The following RNF38 variants were observed in gnomAD, a reference collection of about 807,000 sequenced individuals.
RNF38 encodes the protein E3 ubiquitin-protein ligase RNF38.
In RNF38, 15 loss-of-function variants were observed where a neutral mutation model predicts 67.2. That is an observed-to-expected ratio of 0.22 (90% CI 0.15 to 0.34). The LOEUF is 0.34. Ranked by LOEUF, RNF38 falls within the 10% of genes least tolerant of loss-of-function variation. The pLI is 1.00. For missense variants in RNF38, 524 were observed against 639.9 expected (o/e 0.82, Z 1.95); for synonymous variants, 220 against 218.8 (o/e 1.01, Z -0.05).
chr9:36,387,943 T>A (rs1836768851), intron 2 of RNF38, among the ~76,000 whole-genome samples: 1 of 152,004 alleles, frequency 6.6e-6, no homozygotes, highest in Non-Finnish European at 1.5e-5. Context: ...GGAGACAAGC[T>A]GCAGTATAGT....
chr9:36,438,480 ATTC>A (rs1240074019), intron 1 of RNF38, among the ~76,000 whole-genome samples: 5 of 151,850 alleles, frequency 3.3e-5, no homozygotes, highest in East Asian at 1.9e-4. Flanking sequence ...CCCCAAGACA[ATTC>A]TTCTTCTTCC....
chr9:36,377,823 T>C (rs1835896145), intron 2 of RNF38, among the ~76,000 whole-genome samples: 1 of 152,250 alleles, frequency 6.6e-6, no homozygotes, highest in Admixed American at 6.5e-5. Context: ...ATAGCTGTTA[T>C]ACTGTATTTT....
At chr9:36,364,912 C>A (rs998317507) in intron 4 of RNF38, among the ~76,000 whole-genome samples, 3 of 152,154 alleles carry the variant, frequency 2.0e-5, no homozygotes, top group African/African-American at 7.2e-5. Context: ...TTGGTCTAGA[C>A]CTTAAGACCA....
chr9:36,352,712 CAGAAATCATTAAGAT>C lies in RNF38; in HGVS notation c.1178+15_1178+29del, dbSNP rs754874164. 1 of 1,466,570 alleles carries C rather than the reference CAGAAATCATTAAGAT, an allele frequency of 6.8e-7. No homozygotes were observed. Among genetic ancestry groups the C allele is most frequent in the Non-Finnish European group, 9.6e-7 (1 of 1,046,118 alleles). 90.8% of individuals were successfully genotyped at this position (1,466,570 alleles called of 1,614,324 possible). A position where few individuals can be genotyped will look rare whatever the true frequency, so the allele number is the denominator to read the frequency against. On this transcript the variant is annotated intron_variant, in intron 8 of 11. Coordinates refer to ENST00000259605, the MANE Select transcript of RNF38 (RefSeq NM_022781.5). ...AGAGAATCTCAAGAGTTTCAAAATT[CAGAAATCATTAAGAT>C]AAGAAAGAACTTACAACACATATGG...
intron 1 of RNF38, among the ~76,000 whole-genome samples, chr9:36,482,703 A>G (rs1446120028): frequency 1.3e-5 from 2 of 152,202 alleles, no homozygotes; most frequent in Admixed American, 1.3e-4. Context: ...CTCCAGCCTC[A>G]TAACAAAGTT....
intron 10 of RNF38, among the ~76,000 whole-genome samples, chr9:36,343,710 ATAT>A (rs1833014963): frequency 6.6e-6 from 1 of 152,224 alleles, no homozygotes; most frequent in Non-Finnish European, 1.5e-5. Flanking sequence ...ATACAATGGA[ATAT>A]TATTTGGCCA....
chr9:36,479,206 C>CA (rs1554702878), intron 1 of RNF38, among the ~76,000 whole-genome samples: 1 of 152,194 alleles, frequency 6.6e-6, no homozygotes, highest in Non-Finnish European at 1.5e-5. Flanking sequence ...CGCCTGCCCC[C>CA]ACTACTTGGT....
At chr9:36,417,185 C>T (rs1314366239) in intron 2 of RNF38, among the ~76,000 whole-genome samples, 1 of 152,174 alleles carries the variant, frequency 6.6e-6, no homozygotes, top group Non-Finnish European at 1.5e-5. Flanking sequence ...CAGAGGCAGA[C>T]TTTCCCCCTC....
At chr9:36,424,160 TA>T (rs1253953124) in intron 2 of RNF38, among the ~76,000 whole-genome samples, 1 of 152,104 alleles carries the variant, frequency 6.6e-6, no homozygotes, top group African/African-American at 2.4e-5. Context: ...CTGGCCTTTG[TA>T]AACAGAGCCA....
At chr9:36,435,868 A>G (rs893922433) in intron 1 of RNF38, among the ~76,000 whole-genome samples, 1 of 152,022 alleles carries the variant, frequency 6.6e-6, no homozygotes, top group African/African-American at 2.4e-5. Flanking sequence ...TGACCTCGTG[A>G]TCCGCCCGCC....
chr9:36,394,695 T>C (rs958532058), intron 1 of RNF38, among the ~76,000 whole-genome samples: 1 of 152,176 alleles, frequency 6.6e-6, no homozygotes, highest in Non-Finnish European at 1.5e-5. Context: ...ATCAAAACCA[T>C]AATCTGAACT....
Position 36,337,504 on chromosome 9 carries a change from A to G in RNF38, c.*2248T>C, listed in dbSNP as rs1832538843. 6.6e-6 allele frequency: 1 copy of G among 152,654 alleles called. No individual in the cohort carries two copies. The highest frequency in any genetic ancestry group is 6.5e-5 in the Admixed American group (1 of 15,282). 9.5% of individuals were successfully genotyped at this position (152,654 alleles called of 1,614,324 possible). A position where few individuals can be genotyped will look rare whatever the true frequency, so the allele number is the denominator to read the frequency against. ...GTACAATGTGCTGTGTTAATTAGAT[A>G]CCTCTATATAAATTAGAAAAAGTGC... is the stretch of plus-strand genomic sequence containing the variant. On this transcript the variant is annotated 3_prime_UTR_variant, in exon 12 of 12. Transcript: ENST00000259605.
intron 1 of RNF38, among the ~76,000 whole-genome samples, chr9:36,443,662 G>A (rs1839243395): frequency 6.6e-6 from 1 of 152,134 alleles, no homozygotes; most frequent in Non-Finnish European, 1.5e-5. Flanking sequence ...CAAAAAGAAT[G>A]TAATTAAAAT....
At chr9:36,413,570 A>AG (rs1293105258) in intron 2 of RNF38, among the ~76,000 whole-genome samples, 1 of 152,246 alleles carries the variant, frequency 6.6e-6, no homozygotes, top group Non-Finnish European at 1.5e-5. Flanking sequence ...TGCTGGGAGC[A>AG]GGGGGCAAGA....
At chr9:36,424,203 A>G (rs536859164) in intron 2 of RNF38, among the ~76,000 whole-genome samples, 74 of 152,350 alleles carry the variant, frequency 4.9e-4, no homozygotes, top group African/African-American at 1.7e-3. Context: ...GTATAAGAAG[A>G]AAACATAATT....
chr9:36,372,711 G>T, intron 3 of RNF38: 1 of 468,876 alleles, frequency 2.1e-6, no homozygotes, highest in Non-Finnish European at 3.8e-6. Context: ...GTCTTGCTAT[G>T]AACGAGGACC....
At chr9:36,354,490 C>G (rs1264676628) in intron 6 of RNF38, among the ~76,000 whole-genome samples, 1 of 152,168 alleles carries the variant, frequency 6.6e-6, no homozygotes, top group African/African-American at 2.4e-5. Context: ...ACTTATTCTA[C>G]ACGTTTCATG....
intron 3 of RNF38, among the ~76,000 whole-genome samples, chr9:36,375,673 T>A (rs1305140022): frequency 6.6e-6 from 1 of 152,228 alleles, no homozygotes; most frequent in African/African-American, 2.4e-5. Flanking sequence ...CAACAATCTG[T>A]ACCTTAAGTA....
chr9:36,347,132 GGGGGGGGGGGGGGGGGGA>G (rs1186405501), intron 9 of RNF38, among the ~76,000 whole-genome samples: 2 of 3,306 alleles, frequency 6.0e-4, no homozygotes, highest in African/African-American at 1.5e-3. Context: ...GGGGGGGGGG[GGGGGGGGGGGGGGGGGGA>G]AGTAAATTGC....
Sources: gnomAD v4.1 joint callset for allele counts (sites outside exome capture counted in the v4.1 genomes callset) on GRCh38, gnomAD v4.1.1 for gene constraint, MANE v1.5 for transcripts, NCBI Gene and HGNC (gene_info 2026-07-23, HGNC 2026-07-21) for gene names.